Variants in DAB1 observed in about 807,000 individuals in gnomAD.
The protein encoded by DAB1 is DAB adaptor protein 1, also known as disabled homolog 1.
Under a neutral mutation model 64.6 loss-of-function variants are expected in DAB1, and 15 were observed. The ratio of observed to expected loss-of-function variants is 0.23; its 90% CI spans 0.16 to 0.36. The LOEUF is 0.36. Ranked by LOEUF, DAB1 falls within the 10% of genes least tolerant of loss-of-function variation. The probability of loss-of-function intolerance (pLI) is 1.00; values close to 1 mark genes in which losing one functional copy is unlikely to be tolerated. For synonymous variants in DAB1, 235 were observed against 251.9 expected, an observed-to-expected ratio of 0.93 and a Z score of 0.64; for missense variants, 596 against 706.7, an observed-to-expected ratio of 0.84 and a Z score of 1.78.
chr1:57,392,125 G>C (rs147852254), intron 1 of DAB1, among the ~76,000 whole-genome samples: 15 of 152,274 alleles, frequency 9.9e-5, no homozygotes, highest in African/African-American at 3.4e-4. Flanking sequence ...TATAATCCCA[G>C]CACTTTGGGA....
intron 4 of DAB1, among the ~76,000 whole-genome samples, chr1:58,276,642 GC>G (rs1457555855): frequency 6.6e-6 from 1 of 152,196 alleles, no homozygotes; most frequent in Non-Finnish European, 1.5e-5. Flanking sequence ...CTATTAAGGA[GC>G]CTGGACTTTT....
At chr1:57,299,603 T>C (rs903514078) in intron 1 of DAB1, among the ~76,000 whole-genome samples, 1 of 144,606 alleles carries the variant, frequency 6.9e-6, no homozygotes, top group African/African-American at 2.9e-5. Context: ...ACTCCTAGGG[T>C]ATGAGAAAAA....
intron 4 of DAB1, among the ~76,000 whole-genome samples, chr1:58,164,437 C>T (rs1376690704): frequency 6.6e-6 from 1 of 152,198 alleles, no homozygotes; most frequent in Non-Finnish European, 1.5e-5. Context: ...AAAAACATCT[C>T]TCTGATCTGA....
chr1:58,530,812 C>A lies in DAB1; in HGVS notation n.33-3477G>T, dbSNP rs150729002. Reference sequence around the variant, plus strand: ...ACATTTTCTAGTTCATCATGTGTTACAATTACCTGACCTTCTCCACCTAAG... The same window carrying A: ...ACATTTTCTAGTTCATCATGTGTTAAAATTACCTGACCTTCTCCACCTAAG... On this transcript the variant is annotated intron_variant and non_coding_transcript_variant, in intron 1 of 20. Coordinates refer to the DAB1 transcript ENST00000485760. 68 of 749,668 alleles carry A rather than the reference C, an allele frequency of 9.1e-5. No individual in the cohort carries two copies. The African/African-American group carries it at 9.4e-4, about 10-fold the overall frequency. The allele number at this position is 749,668 out of a possible 1,614,324, so 46.4% of individuals were successfully genotyped here.
chr1:58,235,919 C>T (rs1233907764), intron 4 of DAB1, among the ~76,000 whole-genome samples: 2 of 152,166 alleles, frequency 1.3e-5, no homozygotes, highest in Non-Finnish European at 2.9e-5. Flanking sequence ...TCAGGTCAGG[C>T]CTGGGGCCAA....
At chr1:57,200,568 G>C (rs572301570) in intron 2 of DAB1, among the ~76,000 whole-genome samples, 1 of 151,874 alleles carries the variant, frequency 6.6e-6, no homozygotes, top group South Asian at 2.1e-4. Context: ...AATCTTTCTG[G>C]GTGTCAGTTT....
chr1:57,222,108 G>T (rs947250729), intron 2 of DAB1, among the ~76,000 whole-genome samples: 1 of 151,838 alleles, frequency 6.6e-6, no homozygotes, highest in Admixed American at 6.6e-5. Flanking sequence ...TGTTGTTATT[G>T]TTCCTTTTTT....
chr1:57,502,913 T>A (rs956093881), intron 7 of DAB1, among the ~76,000 whole-genome samples: 8 of 152,214 alleles, frequency 5.3e-5, no homozygotes, highest in Non-Finnish European at 1.2e-4. Context: ...CCAGTAATAA[T>A]AGATAGCACA....
chr1:58,198,138 T>C (rs1261329293), intron 4 of DAB1, among the ~76,000 whole-genome samples: 4 of 152,326 alleles, frequency 2.6e-5, no homozygotes, highest in Admixed American at 1.3e-4. Flanking sequence ...GACAGCTGCA[T>C]CCAGGAGAGA....
chr1:57,161,865 AG>A (rs958260359), intron 2 of DAB1, among the ~76,000 whole-genome samples: 68 of 151,780 alleles, frequency 4.5e-4, no homozygotes, highest in African/African-American at 1.5e-3. Flanking sequence ...AAAAAAAAAA[AG>A]TTCATACTAT....
chr1:58,249,482 CAGAA>C (rs1451875529), intron 4 of DAB1, among the ~76,000 whole-genome samples: 5 of 151,990 alleles, frequency 3.3e-5, no homozygotes, highest in Admixed American at 1.3e-4. Context: ...GCTGAGAGGG[CAGAA>C]AGAAAGCATG....
Position 57,964,865 on chromosome 1 carries a change from G to A in DAB1, n.388-80703C>T, listed in dbSNP as rs565505763. ...TTGTTCACTGTCTAGGGGAAGATAG[G>A]CATGTAAACAGTGAACTGGGATGGA... On this transcript the variant is annotated intron_variant and non_coding_transcript_variant, in intron 5 of 20. Transcript: ENST00000485760. Among the ~76,000 whole-genome samples, 4 of 152,268 alleles carry A rather than the reference G, an allele frequency of 2.6e-5. No homozygotes were observed. The South Asian group carries it at 8.3e-4, about 32-fold the overall frequency.
At chr1:58,121,074 C>T (rs1263327365) in intron 5 of DAB1, among the ~76,000 whole-genome samples, 1 of 152,152 alleles carries the variant, frequency 6.6e-6, no homozygotes, top group African/African-American at 2.4e-5. Context: ...GTTTATCTGG[C>T]TCCATTTATT....
chr1:57,593,673 G>A (rs1377812399), intron 7 of DAB1, among the ~76,000 whole-genome samples: 1 of 152,126 alleles, frequency 6.6e-6, no homozygotes, highest in Non-Finnish European at 1.5e-5. Context: ...GGCACACAGG[G>A]AACTTCAGGA....
chr1:57,425,205 C>A (rs551556653), upstream of DAB1, among the ~76,000 whole-genome samples: 55 of 152,208 alleles, frequency 3.6e-4, no homozygotes, highest in African/African-American at 1.3e-3. Flanking sequence ...CACAAACCAC[C>A]CTGTTGGACC....
chr1:57,779,332 C>A (rs567321750), intron 6 of DAB1, among the ~76,000 whole-genome samples: 4 of 152,010 alleles, frequency 2.6e-5, no homozygotes, highest in Non-Finnish European at 5.9e-5. Flanking sequence ...GAAAGGCCAG[C>A]GTGACTGAAG....
At chr1:58,034,200 G>C (rs1049370466) in intron 5 of DAB1, among the ~76,000 whole-genome samples, 4 of 152,290 alleles carry the variant, frequency 2.6e-5, no homozygotes, top group Middle Eastern at 3.4e-3. Context: ...GGATAAAGCT[G>C]GTTACCATAT....
intron 4 of DAB1, among the ~76,000 whole-genome samples, chr1:58,168,667 C>T (rs1349420209): frequency 2.0e-5 from 3 of 152,058 alleles, no homozygotes; most frequent in Non-Finnish European, 4.4e-5. Flanking sequence ...GAGAAGTAGG[C>T]CTAACAAAAG....
intron 1 of DAB1, among the ~76,000 whole-genome samples, chr1:57,385,461 T>C (rs562173792): frequency 2.0e-5 from 3 of 152,190 alleles, no homozygotes; most frequent in Admixed American, 6.5e-5. Context: ...TCATCTGTAA[T>C]GCATTCAGTC....
Sources: gnomAD v4.1 joint callset for allele counts (sites outside exome capture counted in the v4.1 genomes callset) on GRCh38, gnomAD v4.1.1 for gene constraint, MANE v1.5 for transcripts, NCBI Gene and HGNC (gene_info 2026-07-23, HGNC 2026-07-21) for gene names.